The following LARGE1 variants were observed in gnomAD, a reference collection of about 807,000 sequenced individuals.
The protein encoded by LARGE1 is LARGE xylosyl- and glucuronyltransferase 1, also known as xylosyl- and glucuronyltransferase LARGE1.
LARGE1 carries 43 observed loss-of-function variants against 87.6 expected under a neutral mutation model. That is an observed-to-expected ratio of 0.49 (90% confidence interval 0.38 to 0.63). The LOEUF is 0.63. LARGE1 is among the 30% of genes least tolerant of loss of function. The pLI is 0.00. For synonymous variants in LARGE1, 434 were observed against 394.6 expected (o/e 1.10, Z -1.18); for missense variants, 802 against 1,000.2 (o/e 0.80, Z 2.67).
intron 1 of LARGE1, among the ~76,000 whole-genome samples, chr22:33,884,614 C>T (rs930954184): frequency 6.6e-6 from 1 of 152,220 alleles, no homozygotes; most frequent in Non-Finnish European, 1.5e-5. Flanking sequence ...CACCATCCCG[C>T]GGAGCTGCCA....
chr22:33,270,207 G>A (rs1183045061), downstream of LARGE1, among the ~76,000 whole-genome samples: 2 of 152,048 alleles, frequency 1.3e-5, no homozygotes, highest in East Asian at 1.9e-4. Context: ...TGGTATATCC[G>A]ACATTAGATC....
chr22:33,628,851 C>T (rs549338484), intron 3 of LARGE1, among the ~76,000 whole-genome samples: 1 of 151,896 alleles, frequency 6.6e-6, no homozygotes, highest in South Asian at 2.1e-4. Context: ...CTTGGTGGGT[C>T]TGGGGTGGGG....
chr22:33,560,124 G>C (rs2077812218), intron 6 of LARGE1, among the ~76,000 whole-genome samples: 1 of 152,142 alleles, frequency 6.6e-6, no homozygotes, highest in African/African-American at 2.4e-5. Context: ...CATGACTTAA[G>C]AAATGTGAGA....
At chr22:33,481,716 C>T (rs980604873) in intron 6 of LARGE1, among the ~76,000 whole-genome samples, 6 of 152,166 alleles carry the variant, frequency 3.9e-5, no homozygotes, top group Admixed American at 3.9e-4. Flanking sequence ...GTTAGAACAA[C>T]TGCCAACATT....
intron 6 of LARGE1, among the ~76,000 whole-genome samples, chr22:33,523,106 G>A (rs1263107391): frequency 6.6e-6 from 1 of 151,876 alleles, no homozygotes; most frequent in Non-Finnish European, 1.5e-5. Flanking sequence ...CTGGGTTCAA[G>A]CAATTCTCCT....
intron 11 of LARGE1, among the ~76,000 whole-genome samples, chr22:33,214,041 G>A (rs144724880): frequency 1.2e-3 from 180 of 152,264 alleles, no homozygotes; most frequent in African/African-American, 4.1e-3. Flanking sequence ...TACTAGCCAG[G>A]GTGGTCTTGA....
intron 5 of LARGE1, among the ~76,000 whole-genome samples, chr22:33,581,373 CT>C (rs1224094397): frequency 3.9e-5 from 6 of 152,160 alleles, no homozygotes; most frequent in Non-Finnish European, 5.9e-5. Flanking sequence ...CTTTGTGCAC[CT>C]TTTCCTAAAA....
chr22:33,515,979 G>A (rs976089168), intron 6 of LARGE1, among the ~76,000 whole-genome samples: 4 of 152,178 alleles, frequency 2.6e-5, no homozygotes, highest in South Asian at 2.1e-4. Context: ...AGTGAGCAAC[G>A]CCACCGTGTC....
the LARGE1 span, among the ~76,000 whole-genome samples, chr22:33,126,499 C>T: frequency 1.3e-5 from 2 of 152,122 alleles, no homozygotes; most frequent in Admixed American, 6.5e-5. Context: ...TAAATCAATG[C>T]TTGCTGAATT....
At chr22:33,788,805 C>T (rs186735236) in intron 1 of LARGE1, among the ~76,000 whole-genome samples, 34 of 152,196 alleles carry the variant, frequency 2.2e-4, no homozygotes, top group Admixed American at 1.4e-3. Flanking sequence ...AACAGCAAAG[C>T]GTTCAAGAGG....
intron 11 of LARGE1, among the ~76,000 whole-genome samples, chr22:33,238,853 A>G (rs1926374300): frequency 6.6e-6 from 1 of 152,204 alleles, no homozygotes; most frequent in Admixed American, 6.5e-5. Context: ...ATAGCCTTAA[A>G]TTCATATATT....
At chr22:33,077,102 G>A in the LARGE1 span, among the ~76,000 whole-genome samples, 1 of 152,116 alleles carries the variant, frequency 6.6e-6, no homozygotes, top group Non-Finnish European at 1.5e-5. Context: ...AACTGAACCT[G>A]CAACAGTGTA....
chr22:33,111,683 G>A, the LARGE1 span, among the ~76,000 whole-genome samples: 1 of 152,218 alleles, frequency 6.6e-6, no homozygotes, highest in African/African-American at 2.4e-5. Flanking sequence ...ATATGCATTT[G>A]CATCCCACCT....
chr22:33,454,437 G>A (rs1046017734), intron 6 of LARGE1, among the ~76,000 whole-genome samples: 2 of 151,866 alleles, frequency 1.3e-5, no homozygotes, highest in African/African-American at 4.8e-5. Context: ...GGCCAACATG[G>A]TGAAATCCCG....
At position 33,223,824 on chromosome 22, in the gene LARGE1, C is replaced by T. The variant is rs139712540; in HGVS notation, c.1731-56992G>A. On this transcript the variant is annotated intron_variant, in intron 11 of 11. Transcript: ENST00000608642. ...CTTTAGGTCTGGTACCAGACCCTTC[C>T]GCTTAGAGTCACAAAGCACCTGGCC... 6.1e-3 allele frequency among the ~76,000 whole-genome samples: 935 copies of T among 152,294 alleles called. 4 individuals are homozygous for T. Among genetic ancestry groups the T allele is most frequent in the Non-Finnish European group, 9.6e-3 (650 of 68,020 alleles).
At chr22:33,624,568 G>A (rs189116858) in intron 4 of LARGE1, among the ~76,000 whole-genome samples, 4 of 152,074 alleles carry the variant, frequency 2.6e-5, no homozygotes, top group South Asian at 2.1e-4. Context: ...ACAACAGGCC[G>A]GACACGCTAT....
At chr22:33,297,609 CAAA>C (rs201010972) in intron 12 of LARGE1, among the ~76,000 whole-genome samples, 3 of 62,782 alleles carry the variant, frequency 4.8e-5, no homozygotes. Context: ...GACTCCGTCT[CAAA>C]AAAAAAAAAA....
chr22:33,651,410 A>AT (rs397951312), intron 2 of LARGE1, among the ~76,000 whole-genome samples: 2 of 149,358 alleles, frequency 1.3e-5, no homozygotes, highest in Non-Finnish European at 1.5e-5. Flanking sequence ...AAAAAAAAAA[A>AT]GAAAAAAGAT....
At chr22:33,280,341 AAG>A (rs1230604773) in intron 13 of LARGE1, among the ~76,000 whole-genome samples, 8 of 151,446 alleles carry the variant, frequency 5.3e-5, no homozygotes, top group Non-Finnish European at 4.4e-5. Flanking sequence ...AAAAAAGAGA[AAG>A]AGAAAATTCT....
Sources: gnomAD v4.1 joint callset for allele counts (sites outside exome capture counted in the v4.1 genomes callset) on GRCh38, gnomAD v4.1.1 for gene constraint, MANE v1.5 for transcripts, NCBI Gene and HGNC (gene_info 2026-07-23, HGNC 2026-07-21) for gene names.